BCAS4: variants seen among roughly 807,000 people sequenced by gnomAD.
BCAS4 encodes the protein breast carcinoma amplified sequence 4, also known as breast carcinoma-amplified sequence 4.
BCAS4 carries 9 observed loss-of-function variants against 15.7 expected under a neutral mutation model. That is an observed-to-expected ratio of 0.57 (90% CI 0.34 to 1.00). The LOEUF is 1.00. Among genes scored for constraint, BCAS4 ranks in the 50% least tolerant of loss-of-function variants. The pLI is 0.02. For missense variants in BCAS4, 225 were observed against 239.1 expected (o/e 0.94, Z 0.39); for synonymous variants, 101 against 99.5 (o/e 1.02, Z -0.09).
chr20:50,854,025 A>G (rs955765390), intron 4 of BCAS4, among the ~76,000 whole-genome samples: 6 of 152,302 alleles, frequency 3.9e-5, no homozygotes, highest in Middle Eastern at 6.8e-3. Context: ...GGCCCAGAAG[A>G]ATGACAGCTG....
chr20:50,849,999 C>T (rs1210714613), intron 4 of BCAS4, among the ~76,000 whole-genome samples: 2 of 152,088 alleles, frequency 1.3e-5, no homozygotes, highest in Non-Finnish European at 2.9e-5. Flanking sequence ...TGTGTTGTAC[C>T]ATGGGCTGCA....
At chr20:50,869,607 G>C (rs770338819) in intron 4 of BCAS4, among the ~76,000 whole-genome samples, 11 of 152,154 alleles carry the variant, frequency 7.2e-5, no homozygotes, top group Non-Finnish European at 1.3e-4. Flanking sequence ...GGGTAGCCAT[G>C]TCTGATGACC....
intron 1 of BCAS4, 123 bp downstream of exon 1, chr20:50,795,296 C>T (rs1439276099): frequency 2.2e-6 from 2 of 930,156 alleles, no homozygotes; most frequent in East Asian, 6.6e-5. Context: ...GGATTCCCCC[C>T]TTCCTGAAGG....
At chr20:50,834,349 G>A (rs761559182) in intron 3 of BCAS4, among the ~76,000 whole-genome samples, 2 of 139,766 alleles carry the variant, frequency 1.4e-5, no homozygotes, top group Non-Finnish European at 3.0e-5. Context: ...AGGCTGGAGT[G>A]CAGTGGCGGA....
intron 1 of BCAS4, among the ~76,000 whole-genome samples, chr20:50,805,803 C>T (rs573867759): frequency 2.6e-5 from 4 of 152,054 alleles, no homozygotes; most frequent in Admixed American, 6.6e-5. Flanking sequence ...GGCAAAACCT[C>T]GTCTCTTCTA....
chr20:50,812,546 T>C (rs1444712419), intron 1 of BCAS4, among the ~76,000 whole-genome samples: 1 of 151,456 alleles, frequency 6.6e-6, no homozygotes, highest in Non-Finnish European at 1.5e-5. Flanking sequence ...CCCAAGCAAT[T>C]CTCGTGCCTC....
intron 4 of BCAS4, among the ~76,000 whole-genome samples, chr20:50,864,445 T>G (rs1044965877): frequency 1.3e-5 from 2 of 151,052 alleles, no homozygotes; most frequent in African/African-American, 4.9e-5. Flanking sequence ...ATTGATTTTT[T>G]TTTTTTTTTT....
intron 4 of BCAS4, among the ~76,000 whole-genome samples, chr20:50,872,047 G>C (rs1448026588): frequency 6.6e-6 from 1 of 150,696 alleles, no homozygotes; most frequent in African/African-American, 2.4e-5. Flanking sequence ...ATCACTTGAG[G>C]TCAGGAGTTC....
At chr20:50,830,533 A>G (rs2088331617) in intron 3 of BCAS4, among the ~76,000 whole-genome samples, 153 bp downstream of exon 3, 1 of 152,192 alleles carries the variant, frequency 6.6e-6, no homozygotes, top group African/African-American at 2.4e-5. Flanking sequence ...CTCAAGTGAT[A>G]TTTCAAAAAA....
chr20:50,864,856 G>T (rs1979277881), intron 4 of BCAS4, among the ~76,000 whole-genome samples: 1 of 151,950 alleles, frequency 6.6e-6, no homozygotes, highest in South Asian at 2.1e-4. Context: ...CACTTTGGGA[G>T]GCCGAGGCAA....
intron 4 of BCAS4, chr20:50,846,779 A>G (rs1168675361): frequency 6.6e-6 from 1 of 151,730 alleles, no homozygotes; most frequent in African/African-American, 2.4e-5. Flanking sequence ...ACGCCAGGCT[A>G]ATTTTTGTAT....
intron 2 of BCAS4, among the ~76,000 whole-genome samples, chr20:50,823,532 G>T (rs1005025191): frequency 1.3e-5 from 2 of 152,134 alleles, no homozygotes; most frequent in African/African-American, 4.8e-5. Context: ...TTGAACGAAA[G>T]AAGTCATGGC....
intron 4 of BCAS4, among the ~76,000 whole-genome samples, chr20:50,853,448 C>A (rs532242624): frequency 6.6e-6 from 1 of 152,222 alleles, no homozygotes; most frequent in African/African-American, 2.4e-5. Context: ...CCAACACCCC[C>A]CTTTCTAATC....
At chr20:50,834,375 A>C (rs573172045) in intron 3 of BCAS4, among the ~76,000 whole-genome samples, 1 of 144,898 alleles carries the variant, frequency 6.9e-6, no homozygotes, top group Non-Finnish European at 1.5e-5. Context: ...GGCTCACTGC[A>C]ACCTCTGCCT....
chr20:50,826,513 C>T (rs1043300626), intron 2 of BCAS4, among the ~76,000 whole-genome samples: 5 of 152,218 alleles, frequency 3.3e-5, no homozygotes, highest in African/African-American at 1.2e-4. Flanking sequence ...TTTAGATTTA[C>T]AGGAAAATTG....
intron 1 of BCAS4, among the ~76,000 whole-genome samples, chr20:50,808,309 C>T (rs537996029): frequency 5.9e-5 from 9 of 152,204 alleles, no homozygotes; most frequent in Non-Finnish European, 1.2e-4. Flanking sequence ...CATGCATGTG[C>T]AAGTATCTTC....
chr20:50,795,416 C>A (rs568068151), intron 1 of BCAS4, among the ~76,000 whole-genome samples: 6 of 152,262 alleles, frequency 3.9e-5, no homozygotes, highest in East Asian at 1.9e-4. Context: ...CACCCGGGTC[C>A]CCCAGCATCC....
At chr20:50,869,601 A>G (rs2122675144) in intron 4 of BCAS4, among the ~76,000 whole-genome samples, 1 of 152,304 alleles carries the variant, frequency 6.6e-6, no homozygotes, top group Admixed American at 6.5e-5. Flanking sequence ...GCAACTGGGT[A>G]GCCATGTCTG....
intron 4 of BCAS4, among the ~76,000 whole-genome samples, chr20:50,850,621 G>C (rs1458977562): frequency 7.3e-6 from 1 of 137,580 alleles, no homozygotes; most frequent in Non-Finnish European, 1.5e-5. Context: ...TTTTTATTTG[G>C]GGGGGTTGCT....
Sources: gnomAD v4.1 joint callset for allele counts (sites outside exome capture counted in the v4.1 genomes callset) on GRCh38, gnomAD v4.1.1 for gene constraint, MANE v1.5 for transcripts, NCBI Gene and HGNC (gene_info 2026-07-23, HGNC 2026-07-21) for gene names.